Variants in ZBTB5 observed in about 807,000 individuals in gnomAD.
ZBTB5 encodes the protein zinc finger and BTB domain containing 5.
Under a neutral mutation model 37.9 loss-of-function variants are expected in ZBTB5, and 15 were observed. The observed-to-expected ratio is 0.40, with a 90% CI of 0.26 to 0.61. The LOEUF is 0.61. Among genes scored for constraint, ZBTB5 ranks in the 20% least tolerant of loss-of-function variants. The probability of loss-of-function intolerance (pLI) is 0.47; values close to 1 mark genes in which losing one functional copy is unlikely to be tolerated. For synonymous variants in ZBTB5, 315 were observed against 312.4 expected (o/e 1.01, Z -0.09); for missense variants, 708 against 856.8 (o/e 0.83, Z 2.17).
Position 37,441,332 on chromosome 9 carries a change from A to G in ZBTB5, c.1220T>C (p.Phe407Ser), listed in dbSNP as rs745742636. 8 of 1,614,036 alleles carry G rather than the reference A, an allele frequency of 5.0e-6. No homozygotes were observed. The highest frequency in any genetic ancestry group is 1.7e-5 in the Admixed American group (1 of 59,998). Residue 407 changes from phenylalanine to serine, a missense_variant, in exon 2 of 2, where the codon TTT becomes TCT. Physicochemically the swap from Phe to Ser is radical, Grantham distance 155. This residue lies in a region of ZBTB5 where 639 missense variants were observed against 690.5 expected (regional missense o/e 0.93). Coordinates refer to ENST00000307750, the MANE Select transcript of ZBTB5 (RefSeq NM_014872.3). ...CTTGTTAAGAAAATTCGAAATACTA[A>G]AAGTGGACTTATGCTCTAGGTTATT... ...VTNNLEHKST[F>S]SISNFLNKSR...
At chr9:37,459,873 G>C (rs896036646) in intron 1 of ZBTB5, among the ~76,000 whole-genome samples, 2 of 151,806 alleles carry the variant, frequency 1.3e-5, no homozygotes, top group East Asian at 3.9e-4. Flanking sequence ...ACCACACCTG[G>C]CTAATTTTTT....
In ZBTB5 at chr9:37,441,571, C is replaced by G. The variant is rs751475963; in HGVS notation, c.981G>C (p.Val327=). 7 of 1,612,956 alleles carry G rather than the reference C, an allele frequency of 4.3e-6. No homozygotes were observed. In the East Asian group the frequency reaches 6.7e-5, roughly 15 times the overall value. The change falls in exon 2 of 2, where the codon GTG becomes GTC. Residue 327 remains valine (V), a synonymous_variant. Coordinates refer to ENST00000307750, the MANE Select transcript of ZBTB5 (RefSeq NM_014872.3). ...VGLGEKEHMR[V]VVKSEPLSSP... Reference sequence around the variant, plus strand: ...AGCTCAGGGGCTCAGATTTAACCACCACTCTCATGTGCTCCTTCTCACCAA... The same window carrying G: ...AGCTCAGGGGCTCAGATTTAACCACGACTCTCATGTGCTCCTTCTCACCAA...
chr9:37,446,539 T>C (rs1406802640), intron 1 of ZBTB5, among the ~76,000 whole-genome samples: 2 of 152,238 alleles, frequency 1.3e-5, no homozygotes, highest in Admixed American at 6.5e-5. Flanking sequence ...AACAACAAAA[T>C]AGATCACACA....
chr9:37,440,893 G>A lies in ZBTB5; in HGVS notation c.1659C>T (p.Ile553=), dbSNP rs962848461. 1 of 1,614,182 alleles carries A rather than the reference G, an allele frequency of 6.2e-7. No homozygotes were observed. Among genetic ancestry groups the A allele is most frequent in the Middle Eastern group, 1.6e-4 (1 of 6,062 alleles). ...GCTGAGAACTGGTAGAGTTTTCTGG[G>A]ATCTGTGAGCTCCTGACGGAAGTTA... is the stretch of plus-strand genomic sequence containing the variant. ...PVVTSVRSSQ[I]PENSTSSQLM... Residue 553 remains isoleucine (I), a synonymous_variant, in exon 2 of 2, where the codon ATC becomes ATT. Transcript: ENST00000307750.
intron 1 of ZBTB5, among the ~76,000 whole-genome samples, chr9:37,455,833 G>A (rs1356860332): frequency 1.3e-5 from 2 of 152,082 alleles, no homozygotes; most frequent in Non-Finnish European, 2.9e-5. Context: ...CACTCAAGTA[G>A]GCTAGGATTT....
At chr9:37,462,390 A>C (rs1267571696) in intron 1 of ZBTB5, among the ~76,000 whole-genome samples, 1 of 152,094 alleles carries the variant, frequency 6.6e-6, no homozygotes, top group Non-Finnish European at 1.5e-5. Flanking sequence ...AAAAGCTTGA[A>C]AGCCAAGCTA....
At chr9:37,454,645 C>A (rs1166656207) in intron 1 of ZBTB5, among the ~76,000 whole-genome samples, 2 of 152,194 alleles carry the variant, frequency 1.3e-5, no homozygotes, top group Non-Finnish European at 2.9e-5. Context: ...TCTAATAATG[C>A]TTTACTTAGG....
chr9:37,444,069 C>G (rs1362402715), intron 1 of ZBTB5, among the ~76,000 whole-genome samples: 1 of 152,118 alleles, frequency 6.6e-6, no homozygotes, highest in African/African-American at 2.4e-5. Flanking sequence ...AGCAACAGAG[C>G]AAGGCCCTGT....
chr9:37,456,674 C>T (rs1824193189), intron 1 of ZBTB5, among the ~76,000 whole-genome samples: 2 of 152,142 alleles, frequency 1.3e-5, no homozygotes. Context: ...GTATTAGTGC[C>T]CTACTTAGGT....
At chr9:37,446,147 A>G (rs1823974337) in intron 1 of ZBTB5, among the ~76,000 whole-genome samples, 1 of 152,246 alleles carries the variant, frequency 6.6e-6, no homozygotes, top group African/African-American at 2.4e-5. Flanking sequence ...ATATATTTAT[A>G]AAATTAAATT....
intron 1 of ZBTB5, among the ~76,000 whole-genome samples, chr9:37,448,137 C>T (rs1341757697): frequency 6.6e-6 from 1 of 152,142 alleles, no homozygotes; most frequent in African/African-American, 2.4e-5. Context: ...TTAAGTAATA[C>T]TGGAAGACAG....
intron 1 of ZBTB5, among the ~76,000 whole-genome samples, chr9:37,449,357 C>T (rs1312705562): frequency 6.6e-6 from 1 of 152,174 alleles, no homozygotes; most frequent in Non-Finnish European, 1.5e-5. Context: ...TGGTATCACA[C>T]ATTGCACGGC....
intron 1 of ZBTB5, among the ~76,000 whole-genome samples, chr9:37,460,912 T>G (rs1824281500): frequency 6.6e-6 from 1 of 152,106 alleles, no homozygotes; most frequent in African/African-American, 2.4e-5. Flanking sequence ...AAAACTAAAC[T>G]TTTATCAAGA....
At chr9:37,446,774 C>T (rs1377143327) in intron 1 of ZBTB5, among the ~76,000 whole-genome samples, 2 of 152,232 alleles carry the variant, frequency 1.3e-5, no homozygotes, top group Non-Finnish European at 2.9e-5. Flanking sequence ...GCAATTACTG[C>T]TCATTAAGTC....
intron 1 of ZBTB5, among the ~76,000 whole-genome samples, chr9:37,457,881 G>A (rs1039427177): frequency 6.6e-6 from 1 of 152,196 alleles, no homozygotes; most frequent in African/African-American, 2.4e-5. Flanking sequence ...GTAGGTATTG[G>A]ATAGTGACTG....
chr9:37,451,259 T>C (rs1204982563), intron 1 of ZBTB5, among the ~76,000 whole-genome samples: 2 of 151,928 alleles, frequency 1.3e-5, no homozygotes, highest in African/African-American at 4.8e-5. Context: ...CTTGTAGAAC[T>C]ACTGATTCGT....
intron 1 of ZBTB5, among the ~76,000 whole-genome samples, chr9:37,444,661 G>C (rs901904143): frequency 6.6e-6 from 1 of 152,204 alleles, no homozygotes; most frequent in African/African-American, 2.4e-5. Flanking sequence ...CTAAAAGCTA[G>C]AAGATGACAG....
At chr9:37,460,640 A>G (rs1170787381) in intron 1 of ZBTB5, among the ~76,000 whole-genome samples, 2 of 152,168 alleles carry the variant, frequency 1.3e-5, no homozygotes, top group Admixed American at 1.3e-4. Context: ...CCAAGGTGGG[A>G]GAAATGCTTG....
intron 1 of ZBTB5, among the ~76,000 whole-genome samples, chr9:37,458,677 T>C (rs545312501): frequency 6.6e-6 from 1 of 152,218 alleles, no homozygotes; most frequent in Non-Finnish European, 1.5e-5. Context: ...TTCTGACAGA[T>C]CATTGGTGAT....
Sources: allele counts gnomAD v4.1 joint callset (sites outside exome capture counted in the v4.1 genomes callset), GRCh38; gene constraint gnomAD v4.1.1; regional missense constraint gnomAD v4.1.1; transcripts MANE v1.5; gene names NCBI Gene and HGNC (gene_info 2026-07-23, HGNC 2026-07-21).